Variants in HS6ST2 observed in about 807,000 individuals in gnomAD.
The protein encoded by HS6ST2 is heparan sulfate 6-O-sulfotransferase 2.
In HS6ST2, 17 loss-of-function variants were observed where a neutral mutation model predicts 33.0. The ratio of observed to expected loss-of-function variants is 0.52; its 90% confidence interval spans 0.35 to 0.77. HS6ST2 has a LOEUF of 0.77. HS6ST2 is among the 30% of genes least tolerant of loss of function. The pLI, the probability that HS6ST2 is intolerant of heterozygous loss-of-function variation, is 0.01. For missense variants in HS6ST2, 519 were observed against 551.7 expected, an observed-to-expected ratio of 0.94 and a Z score of 0.59; for synonymous variants, 248 against 237.1, an observed-to-expected ratio of 1.05 and a Z score of -0.42.
chrX:132,695,776 A>G (rs945477013), intron 3 of HS6ST2, among the ~76,000 whole-genome samples: 2 of 111,987 alleles, frequency 1.8e-5, no homozygotes, highest in African/African-American at 6.5e-5. Context: ...CCCTGCAAAC[A>G]AGACTCACAA....
At chrX:132,810,222 A>G (rs2065327883) in intron 2 of HS6ST2, among the ~76,000 whole-genome samples, 1 of 110,408 alleles carries the variant, frequency 9.1e-6, no homozygotes. Context: ...CCTTGGCAAC[A>G]TAATGACACC....
In HS6ST2 at chrX:132,806,517, G is replaced by C. The variant is rs1393102745; in HGVS notation, c.948-98023C>G. 6.4e-5 allele frequency among the ~76,000 whole-genome samples: 7 copies of C among 110,032 alleles called. No homozygotes were observed. In the South Asian group the frequency reaches 1.1e-3, roughly 18 times the overall value. ...TCCAGAGACATGGCTAAATGTCTTA[G>C]GGCAAGTGGTCGGCAAGGTGGCAAA... On this transcript the variant is annotated intron_variant, in intron 2 of 4. Coordinates refer to ENST00000370833, the MANE Select transcript of HS6ST2 (RefSeq NM_001394073.1).
At chrX:132,878,373 C>T (rs1307375801) in intron 2 of HS6ST2, among the ~76,000 whole-genome samples, 1 of 111,993 alleles carries the variant, frequency 8.9e-6, no homozygotes, top group Admixed American at 9.5e-5. Context: ...CAGGCAAGCC[C>T]CCTGTGCAGG....
intron 2 of HS6ST2, among the ~76,000 whole-genome samples, chrX:132,839,049 C>A (rs2065675978): frequency 3.2e-5 from 3 of 94,497 alleles, no homozygotes; most frequent in African/African-American, 1.2e-4. Context: ...GTTAGTACAA[C>A]CTCTATGGAA....
At chrX:132,711,888 C>G (rs1261488745) in intron 2 of HS6ST2, among the ~76,000 whole-genome samples, 3 of 111,497 alleles carry the variant, frequency 2.7e-5, no homozygotes, top group Non-Finnish European at 5.7e-5. Flanking sequence ...CACCACCCTC[C>G]ACATTTCTCT....
intron 3 of HS6ST2, among the ~76,000 whole-genome samples, chrX:132,689,553 C>A (rs2064044596): frequency 8.9e-6 from 1 of 111,871 alleles, no homozygotes; most frequent in African/African-American, 3.3e-5. Context: ...CTTAATATTA[C>A]ATTTTAGAAA....
chrX:132,731,344 A>C (rs1028108329), intron 2 of HS6ST2, among the ~76,000 whole-genome samples: 1 of 111,766 alleles, frequency 8.9e-6, no homozygotes, highest in Non-Finnish European at 1.9e-5. Flanking sequence ...GACTGGGTCC[A>C]AGCCTCATAG....
intron 2 of HS6ST2, among the ~76,000 whole-genome samples, chrX:132,902,023 A>C (rs1329977840): frequency 2.7e-5 from 3 of 111,100 alleles, no homozygotes; most frequent in Non-Finnish European, 5.7e-5. Flanking sequence ...GAATTGGTTG[A>C]GGCACAGGCA....
intron 2 of HS6ST2, among the ~76,000 whole-genome samples, chrX:132,710,739 C>T (rs959104505): frequency 4.5e-5 from 5 of 111,868 alleles, no homozygotes; most frequent in Non-Finnish European, 1.9e-5. Flanking sequence ...GCCCTCCCAA[C>T]AGGCTGTAAA....
chrX:132,655,715 T>C (rs1603292865), intron 4 of HS6ST2, among the ~76,000 whole-genome samples: 1 of 111,090 alleles, frequency 9.0e-6, no homozygotes, highest in Middle Eastern at 4.7e-3. Context: ...GATAACATTA[T>C]ATTGTTGGTG....
intron 2 of HS6ST2, among the ~76,000 whole-genome samples, chrX:132,887,910 C>T (rs1041248494): frequency 4.5e-5 from 5 of 111,961 alleles, no homozygotes; most frequent in Non-Finnish European, 9.4e-5. Context: ...CAAAAGACTA[C>T]ATGTTATATG....
At chrX:132,788,472 A>C (rs756055379) in intron 2 of HS6ST2, among the ~76,000 whole-genome samples, 2 of 111,412 alleles carry the variant, frequency 1.8e-5, no homozygotes, top group South Asian at 7.7e-4. Flanking sequence ...GGGCCTCGCT[A>C]TTTCCTGAGA....
chrX:132,837,551 C>T (rs1395463853), intron 2 of HS6ST2, among the ~76,000 whole-genome samples: 1 of 111,877 alleles, frequency 8.9e-6, no homozygotes, highest in East Asian at 2.8e-4. Context: ...GGCAGTGTCA[C>T]TAAATCTCTA....
chrX:132,671,586 G>C (rs1240827351), intron 3 of HS6ST2, among the ~76,000 whole-genome samples: 1 of 109,481 alleles, frequency 9.1e-6, no homozygotes, highest in Non-Finnish European at 1.9e-5. Flanking sequence ...TAGGACATCA[G>C]GGAAAGCTAT....
At position 132,958,412 on chromosome X, in the gene HS6ST2, G is replaced by T; in HGVS notation, c.191C>A (p.Thr64Asn). ...TCGGGGCTTGTCCAGGAGCGGCCGG[G>T]TGTGGAATCCGTGAGACACACCCCT... ...PPRGVSHGFH[T>N]RPLLDKPRKA... The change falls in exon 1 of 5, where the codon ACC becomes AAC. Residue 64 changes from threonine to asparagine, a missense_variant. Physicochemically the swap from Thr to Asn is moderately conservative, Grantham distance 65. Transcript: ENST00000370833. 1 of 1,198,999 alleles carries T rather than the reference G, an allele frequency of 8.3e-7. No individual in the cohort carries two copies.
At chrX:132,722,119 C>T (rs1434414503) in intron 2 of HS6ST2, among the ~76,000 whole-genome samples, 3 of 95,465 alleles carry the variant, frequency 3.1e-5, no homozygotes, top group Non-Finnish European at 4.0e-5. Context: ...ACCTGGGAGG[C>T]GGAGCTTGCA....
chrX:132,764,751 C>G (rs1398125369), intron 2 of HS6ST2, among the ~76,000 whole-genome samples: 1 of 111,944 alleles, frequency 8.9e-6, no homozygotes, highest in Non-Finnish European at 1.9e-5. Flanking sequence ...TTTTCTTTCT[C>G]CAAGAAACAA....
At chrX:132,821,060 C>T (rs2065449421) in intron 2 of HS6ST2, among the ~76,000 whole-genome samples, 1 of 110,389 alleles carries the variant, frequency 9.1e-6, no homozygotes, top group Non-Finnish European at 1.9e-5. Flanking sequence ...ATTCTCATCA[C>T]CTCCCCCCAC....
chrX:132,729,140 T>A (rs1390858477), intron 2 of HS6ST2, among the ~76,000 whole-genome samples: 1 of 112,555 alleles, frequency 8.9e-6, no homozygotes, highest in Non-Finnish European at 1.9e-5. Flanking sequence ...AGAGTTTGCA[T>A]CCTTAGGGGA....
Sources: gnomAD v4.1 joint callset for allele counts (sites outside exome capture counted in the v4.1 genomes callset) on GRCh38, gnomAD v4.1.1 for gene constraint, MANE v1.5 for transcripts, NCBI Gene and HGNC (gene_info 2026-07-23, HGNC 2026-07-21) for gene names.